Variants in SPINK5 observed in about 807,000 individuals in gnomAD.
SPINK5 encodes serine peptidase inhibitor Kazal type 5, also known as serine protease inhibitor Kazal-type 5.
In SPINK5, 125 loss-of-function variants were observed where a neutral mutation model predicts 151.8. The ratio of observed to expected loss-of-function variants is 0.82; its 90% CI spans 0.71 to 0.96. The LOEUF (loss-of-function observed/expected upper bound fraction) is 0.96. SPINK5 is among the 40% of genes least tolerant of loss of function. SPINK5 has a pLI of 0.00. For missense variants in SPINK5, 1,194 were observed against 1,291.9 expected (o/e 0.92, Z 1.16); for synonymous variants, 374 against 395.3 (o/e 0.95, Z 0.64).
At chr5:148,113,067 C>G in intron 20 of SPINK5, 133 bp downstream of exon 20, 2 of 1,432,976 alleles carry the variant, frequency 1.4e-6, no homozygotes, top group Non-Finnish European at 1.9e-6. Context: ...GGTTGAGAAA[C>G]TTTTTCTTAA....
intron 19 of SPINK5, 42 bp downstream of exon 19, chr5:148,111,937 A>G: frequency 6.2e-7 from 1 of 1,613,676 alleles, no homozygotes; most frequent in Non-Finnish European, 8.5e-7. Context: ...GTGTGGGAGA[A>G]GATCAGCATC....
chr5:148,128,597 C>T (rs1249220653), intron 30 of SPINK5, among the ~76,000 whole-genome samples: 1 of 152,120 alleles, frequency 6.6e-6, no homozygotes, highest in Non-Finnish European at 1.5e-5. Context: ...GGCGCGATCT[C>T]GGCTCACTGC....
Position 148,107,184 on chromosome 5 carries a change from C to A in SPINK5, c.1607+20C>A. 6.2e-7 allele frequency: 1 copy of A among 1,609,304 alleles called. No homozygotes were observed. Among genetic ancestry groups the A allele is most frequent in the South Asian group, 1.1e-5 (1 of 90,832 alleles). ...TGTGTTGTGAGTGTCCACCCCATCT[C>A]TCCCACTGAATTTCTTCATCCATGA... On this transcript the variant is annotated intron_variant, in intron 17 of 32. Coordinates refer to ENST00000256084, the MANE Select transcript of SPINK5 (RefSeq NM_006846.4).
intron 4 of SPINK5, among the ~76,000 whole-genome samples, chr5:148,072,812 A>G (rs1253568074): frequency 6.6e-6 from 1 of 150,618 alleles, no homozygotes; most frequent in Non-Finnish European, 1.5e-5. Context: ...GTTTATATCT[A>G]TTTTGCAGAC....
intron 26 of SPINK5, among the ~76,000 whole-genome samples, chr5:148,121,877 A>G (rs1754275802): frequency 6.6e-6 from 1 of 151,916 alleles, no homozygotes; most frequent in South Asian, 2.1e-4. Flanking sequence ...TTAAGGTGAG[A>G]GGATCACTTG....
Position 148,088,536 on chromosome 5 carries a change from T to C in SPINK5, c.411-6T>C. 6.2e-7 allele frequency: 1 copy of C among 1,611,426 alleles called. No homozygotes were observed. Among genetic ancestry groups the C allele is most frequent in the Non-Finnish European group, 8.5e-7 (1 of 1,178,332 alleles). Reference sequence around the variant, plus strand: ...AACTGCTGTGTCTACTAACTTTTGATTCTAGGAAAACCGGGTCCCAAATTG... The same window carrying C: ...AACTGCTGTGTCTACTAACTTTTGACTCTAGGAAAACCGGGTCCCAAATTG... On this transcript the variant is annotated splice_polypyrimidine_tract_variant and splice_region_variant and intron_variant, in intron 5 of 32. Transcript: ENST00000256084.
intron 4 of SPINK5, among the ~76,000 whole-genome samples, chr5:148,085,276 C>T (rs185100815): frequency 6.6e-6 from 1 of 151,912 alleles, no homozygotes; most frequent in Admixed American, 6.6e-5. Context: ...ATGTGACATA[C>T]TGATACATCA....
At chr5:148,113,052 C>T in intron 20 of SPINK5, 118 bp downstream of exon 20, 2 of 1,502,194 alleles carry the variant, frequency 1.3e-6, no homozygotes, top group Non-Finnish European at 1.8e-6. Context: ...TTCATTTAGT[C>T]CAGGGGTTGA....
chr5:148,065,567 A>T (rs199914437), intron 2 of SPINK5, 195 bp downstream of exon 2: 6 of 377,030 alleles, frequency 1.6e-5, no homozygotes, highest in South Asian at 1.2e-4. Flanking sequence ...ACACACACAC[A>T]CACACTCAAC....
At chr5:148,114,336 G>C (rs1001048430) in intron 20 of SPINK5, 26 bp from the exon 21 acceptor site, 1 of 1,600,174 alleles carries the variant, frequency 6.2e-7, no homozygotes, top group South Asian at 1.1e-5. Context: ...AGATACTCAA[G>C]CTTTCTCCTT....
chr5:148,105,174 T>C (rs1454984385), intron 16 of SPINK5, among the ~76,000 whole-genome samples, 174 bp downstream of exon 16: 1 of 152,202 alleles, frequency 6.6e-6, no homozygotes, highest in African/African-American at 2.4e-5. Flanking sequence ...AGAGTACCAA[T>C]TTTATTTCAC....
At chr5:148,093,672 T>C (rs1480873790) in intron 8 of SPINK5, among the ~76,000 whole-genome samples, 2 of 151,380 alleles carry the variant, frequency 1.3e-5, no homozygotes, top group Non-Finnish European at 2.9e-5. Context: ...TTTTTTTTTG[T>C]GATTTGGCTG....
At chr5:148,095,722 TC>T in intron 9 of SPINK5, 95 bp from the exon 10 acceptor site, 1 of 1,072,720 alleles carries the variant, frequency 9.3e-7, no homozygotes, top group Non-Finnish European at 1.4e-6. Flanking sequence ...GTACTAAAAC[TC>T]AGGACAACTT....
At chr5:148,066,631 A>G (rs1752593066) in intron 2 of SPINK5, among the ~76,000 whole-genome samples, 1 of 152,188 alleles carries the variant, frequency 6.6e-6, no homozygotes, top group Admixed American at 6.5e-5. Flanking sequence ...TCAGTAGAGT[A>G]GAAAATAAGC....
At chr5:148,103,097 C>T (rs1032827576) in intron 15 of SPINK5, among the ~76,000 whole-genome samples, 1 of 152,168 alleles carries the variant, frequency 6.6e-6, no homozygotes, top group African/African-American at 2.4e-5. Context: ...CATATTTTCC[C>T]ATAGCATTTG....
rs761633177 is a variant in SPINK5 at position 148,134,079 on chromosome 5, G to A, written c.3186+192G>A. The stretch of plus-strand genomic sequence containing the variant: ...TACTGAAATAAGTGGAAATAATGTA[G>A]CAGTTAATATTTTAAAATATTTAAT... On this transcript the variant is annotated intron_variant, in intron 32 of 32. Transcript: ENST00000256084. 25 of 673,624 alleles carry A rather than the reference G, an allele frequency of 3.7e-5. No individual in the cohort carries two copies. Among genetic ancestry groups the A allele is most frequent in the Admixed American group, 6.2e-5 (3 of 48,220 alleles). The allele number at this position is 673,624 out of a possible 1,614,324, so 41.7% of individuals were successfully genotyped here.
rs1754716890 is a variant in SPINK5, at chr5:148,137,195, A to C, written c.*204A>C. 1 of 663,218 alleles carries C rather than the reference A, an allele frequency of 1.5e-6. No individual in the cohort carries two copies. The highest frequency in any genetic ancestry group is 2.6e-6 in the Non-Finnish European group (1 of 384,300). 41.1% of individuals were successfully genotyped at this position (663,218 alleles called of 1,614,324 possible). A position where few individuals can be genotyped will look rare whatever the true frequency, so the allele number is the denominator to read the frequency against. On this transcript the variant is annotated 3_prime_UTR_variant, in exon 33 of 33. Coordinates refer to ENST00000256084, the MANE Select transcript of SPINK5 (RefSeq NM_006846.4). The stretch of plus-strand genomic sequence containing the variant: ...GACTCTGTGATCTGAGGGTATAAAG[A>C]CATCTCCACCAAGTCTGAGCCCTCA...
chr5:148,091,222 T>G lies in SPINK5; in HGVS notation c.660T>G (p.Ala220=). 3 of 1,611,236 alleles carry G rather than the reference T, an allele frequency of 1.9e-6. No homozygotes were observed. In the South Asian group the frequency reaches 3.3e-5, roughly 18 times the overall value. The change falls in exon 8 of 33, where the codon GCT becomes GCG. Residue 220 remains alanine (A), a synonymous_variant. Transcript: ENST00000256084. ...GTGAAACTAGAATTCGACGAAATGC[T>G]GAAAAGGTAAAATGACTCACCAACG... The part of the protein sequence containing the change: ...REGETRIRRN[A]EKDFCKEYEK...
intron 9 of SPINK5, among the ~76,000 whole-genome samples, chr5:148,095,288 G>C (rs1186854115): frequency 1.3e-5 from 2 of 151,832 alleles, no homozygotes; most frequent in East Asian, 3.9e-4. Context: ...AAGAGGGCAG[G>C]GTATGTGTTT....
Sources: gnomAD v4.1 joint callset for allele counts (sites outside exome capture counted in the v4.1 genomes callset) on GRCh38, gnomAD v4.1.1 for gene constraint, MANE v1.5 for transcripts, NCBI Gene and HGNC (gene_info 2026-07-23, HGNC 2026-07-21) for gene names.